The following HERC2 variants were observed in gnomAD, a reference collection of about 807,000 sequenced individuals.
HERC2 encodes the protein HECT and RLD domain containing E3 ubiquitin protein ligase 2.
HERC2 carries 102 observed loss-of-function variants against 537.7 expected under a neutral mutation model. That is an observed-to-expected ratio of 0.19 (90% CI 0.16 to 0.22). The LOEUF is 0.22. HERC2 is among the 10% of genes least tolerant of loss of function. HERC2 has a pLI of 1.00. For synonymous variants in HERC2, 2,224 were observed against 2,466.2 expected, an observed-to-expected ratio of 0.90 and a Z score of 2.91; for missense variants, 4,236 against 6,198.2, an observed-to-expected ratio of 0.68 and a Z score of 10.63.
intron 83 of HERC2, among the ~76,000 whole-genome samples, chr15:28,125,586 A>G (rs942159180): frequency 6.6e-6 from 1 of 152,214 alleles, no homozygotes; most frequent in Non-Finnish European, 1.5e-5. Context: ...TCCCAAATCC[A>G]TCTAATATTA....
intron 39 of HERC2, among the ~76,000 whole-genome samples, chr15:28,215,278 G>T (rs542641416): frequency 3.0e-4 from 46 of 152,202 alleles, no homozygotes; most frequent in African/African-American, 1.1e-3. Context: ...TAGTGATTAG[G>T]ATTGTCAGGA....
chr15:28,120,381 G>A lies in HERC2; in HGVS notation c.13272+965C>T, dbSNP rs186317765. ...ATCAACATCAGGGTAAAAATCATGT[G>A]TTAATACAAAGGTACAGGAACAAAG... On this transcript the variant is annotated intron_variant, in intron 86 of 92. Transcript: ENST00000261609. Among the ~76,000 whole-genome samples the A allele has an allele frequency of 1.9e-3, 283 of 152,286 alleles. 1 individual carries two copies. The highest frequency in any genetic ancestry group is 6.6e-3 in the African/African-American group (276 of 41,560).
chr15:28,150,225 AT>A (rs1892288840), intron 70 of HERC2, among the ~76,000 whole-genome samples: 1 of 152,164 alleles, frequency 6.6e-6, no homozygotes, highest in South Asian at 2.1e-4. Flanking sequence ...GAATGGCCAC[AT>A]GAACGTACGT....
At chr15:28,191,847 A>G in intron 53 of HERC2, 114 bp downstream of exon 53, 1 of 748,026 alleles carries the variant, frequency 1.3e-6, no homozygotes, top group South Asian at 1.8e-5. Context: ...TAACGTGAGT[A>G]CTGACAGGTG....
At chr15:28,168,364 C>T in intron 67 of HERC2, 43 bp downstream of exon 67, 4 of 1,579,550 alleles carry the variant, frequency 2.5e-6, no homozygotes, top group East Asian at 2.2e-5. Flanking sequence ...AAAGTAGCCA[C>T]CTTTTCCTTT....
At chr15:28,139,808 C>A (rs867510303) in intron 78 of HERC2, among the ~76,000 whole-genome samples, 4 of 151,916 alleles carry the variant, frequency 2.6e-5, no homozygotes, top group African/African-American at 9.7e-5. Context: ...TGCCTGTAAT[C>A]CCAGCACTTT....
At chr15:28,132,968 C>T in intron 79 of HERC2, 138 bp from the exon 80 acceptor site, 1 of 695,790 alleles carries the variant, frequency 1.4e-6, no homozygotes, top group Non-Finnish European at 2.2e-6. Context: ...CAGACCTAAA[C>T]TCAAAAGTTC....
At chr15:28,252,225 C>T (rs1013549107) in intron 20 of HERC2, among the ~76,000 whole-genome samples, 5 of 152,080 alleles carry the variant, frequency 3.3e-5, no homozygotes, top group Non-Finnish European at 7.4e-5. Context: ...GACGGGCCAG[C>T]GCAGGCTACA....
chr15:28,187,392 T>C, intron 55 of HERC2, among the ~76,000 whole-genome samples: 1 of 152,004 alleles, frequency 6.6e-6, no homozygotes, highest in Non-Finnish European at 1.5e-5. Context: ...AGTGCAGTGG[T>C]GCAATCTTGG....
chr15:28,229,472 C>T lies in HERC2; in HGVS notation c.5108G>A (p.Gly1703Glu). 6.2e-7 allele frequency: 1 copy of T among 1,613,826 alleles called. No individual in the cohort carries two copies. The highest frequency in any genetic ancestry group is 8.5e-7 in the Non-Finnish European group (1 of 1,179,758). The change falls in exon 33 of 93, where the codon GGA becomes GAA. Residue 1703 changes from glycine (G) to glutamate (E), a missense_variant. By Grantham distance (98) the Gly-to-Glu change is moderately conservative. This residue lies in a region of HERC2 where 343 missense variants were observed against 417.2 expected (regional missense o/e 0.82). Transcript: ENST00000261609. ...FCGWQRLIPE[G>E]IDIGEPLTDC... ...GCTAACGTTTTACCCTATATCGATTCCCTCAGGAATAAGTCTTTGCCATCC... is the reference window on the plus strand; with the variant it reads ...GCTAACGTTTTACCCTATATCGATTTCCTCAGGAATAAGTCTTTGCCATCC...
chr15:28,268,717 A>G lies in HERC2; in HGVS notation c.1447-101T>C. On this transcript the variant is annotated intron_variant, in intron 11 of 92. Transcript: ENST00000261609. The surrounding 1 kb of genome is among the most constrained non-coding windows in gnomAD (Gnocchi z 4.7). ...TGTATCCCCAAGCAAAGCCTGCTGT[A>G]ACTCCAAGTGGGGCATAAGTCTCTG... The G allele has an allele frequency of 1.0e-6, 1 of 977,698 alleles. No homozygotes were observed. The highest frequency in any genetic ancestry group is 1.5e-6 in the Non-Finnish European group (1 of 651,256). The allele number at this position is 977,698 out of a possible 1,614,324, so 60.6% of individuals were successfully genotyped here.
intron 69 of HERC2, among the ~76,000 whole-genome samples, chr15:28,159,693 C>T (rs1276900577): frequency 2.6e-5 from 4 of 152,188 alleles, no homozygotes; most frequent in Admixed American, 6.5e-5. Context: ...TCCTTTAGCT[C>T]GGAGAAGTTT....
At chr15:28,282,931 T>TGGGAAGGGAC (rs1213430030) in intron 4 of HERC2, among the ~76,000 whole-genome samples, 3 of 134,348 alleles carry the variant, frequency 2.2e-5, no homozygotes, top group Non-Finnish European at 3.1e-5. Context: ...ACTCCGAAGA[T>TGGGAAGGGAC]GGGAAGGGAC....
At chr15:28,129,926 C>T (rs149697483) in intron 83 of HERC2, among the ~76,000 whole-genome samples, 371 of 152,174 alleles carry the variant, frequency 2.4e-3, no homozygotes, top group African/African-American at 8.7e-3. Context: ...CAGGCGCGCG[C>T]CACCATGCCC....
At chr15:28,297,382 G>A (rs1311458719) in intron 3 of HERC2, among the ~76,000 whole-genome samples, 2 of 151,750 alleles carry the variant, frequency 1.3e-5, no homozygotes, top group Non-Finnish European at 2.9e-5. Flanking sequence ...TTAGAAAAAT[G>A]TATTCAGTGT....
intron 69 of HERC2, among the ~76,000 whole-genome samples, chr15:28,158,043 G>C (rs1038895437): frequency 6.6e-6 from 1 of 152,168 alleles, no homozygotes; most frequent in African/African-American, 2.4e-5. Flanking sequence ...TAGTTGAGCA[G>C]TTTTGAGTGA....
At chr15:28,132,418 C>T (rs1285496785) in intron 80 of HERC2, among the ~76,000 whole-genome samples, 157 bp from the exon 81 acceptor site, 1 of 152,238 alleles carries the variant, frequency 6.6e-6, no homozygotes, top group African/African-American at 2.4e-5. Context: ...AAAGAGAAAG[C>T]ACCTTCATCT....
At position 28,265,730 on chromosome 15, in the gene HERC2, G is replaced by A; in HGVS notation, c.1758C>T (p.Gly586=). 1 of 1,614,080 alleles carries A rather than the reference G, an allele frequency of 6.2e-7. No homozygotes were observed. The highest frequency in any genetic ancestry group is 8.5e-7 in the Non-Finnish European group (1 of 1,179,968). The change falls in exon 14 of 93, where the codon GGC becomes GGT. Residue 586 remains glycine (G), a splice_region_variant and synonymous_variant. Coordinates refer to ENST00000261609, the MANE Select transcript of HERC2 (RefSeq NM_004667.6). This position sits in a 1 kb window ranked among gnomAD's most constrained non-coding sequence, Gnocchi z 4.0. Reference sequence around the variant, plus strand: ...TCGGAATGGCCTCGTCCTCACTGGAGCCTTCAAACAGATAGGACGGCGGTT... The same window carrying A: ...TCGGAATGGCCTCGTCCTCACTGGAACCTTCAAACAGATAGGACGGCGGTT... ...GRGNYGRLGH[G]SSEDEAIPML...
At position 28,163,138 on chromosome 15, in the gene HERC2, C is replaced by T; in HGVS notation, c.10702G>A (p.Val3568Met). ...CSRAGDRGRD[V>M]LSAVLSGMGT... ...ATGCCGGAAAGCACCGCGGAGAGCA[C>T]ATCCCTGCCCCTGTCCCCGGCCCGG... The change falls in exon 69 of 93, where the codon GTG becomes ATG. Residue 3568 changes from valine (V) to methionine (M), a missense_variant. Transcript: ENST00000261609. 1.9e-6 allele frequency: 3 copies of T among 1,612,578 alleles called. No homozygotes were observed. The highest frequency in any genetic ancestry group is 4.5e-5 in the East Asian group (2 of 44,858).
Sources: gnomAD v4.1 joint callset for allele counts (sites outside exome capture counted in the v4.1 genomes callset) on GRCh38, gnomAD v4.1.1 for gene constraint, gnomAD v4.1.1 regional missense constraint, Gnocchi (gnomAD v3.1) non-coding constraint, MANE v1.5 for transcripts, NCBI Gene and HGNC (gene_info 2026-07-23, HGNC 2026-07-21) for gene names.